Variants in KIF26A observed in about 807,000 individuals in gnomAD.
The protein encoded by KIF26A is kinesin family member 26A, also known as kinesin-like protein KIF26A.
Under a neutral mutation model 126.0 loss-of-function variants are expected in KIF26A, and 74 were observed. That is an observed-to-expected ratio of 0.59 (90% CI 0.49 to 0.71). The LOEUF (loss-of-function observed/expected upper bound fraction) is 0.71, where lower values mean the gene tolerates loss of function less well. Among genes scored for constraint, KIF26A ranks in the 30% least tolerant of loss-of-function variants. KIF26A has a pLI of 0.00. For missense variants in KIF26A, 2,984 were observed against 2,763.3 expected, an observed-to-expected ratio of 1.08 and a Z score of -1.79; for synonymous variants, 1,445 against 1,232.7, an observed-to-expected ratio of 1.17 and a Z score of -3.61.
intron 2 of KIF26A, among the ~76,000 whole-genome samples, chr14:104,140,189 TG>T (rs1163321745): frequency 6.6e-6 from 1 of 151,784 alleles, no homozygotes; most frequent in Non-Finnish European, 1.5e-5. Flanking sequence ...CAGGGCAGGG[TG>T]GGGCAGGGTA....
At chr14:104,171,054 C>T (rs1476097045) in intron 5 of KIF26A, among the ~76,000 whole-genome samples, 1 of 152,254 alleles carries the variant, frequency 6.6e-6, no homozygotes, top group Non-Finnish European at 1.5e-5. Flanking sequence ...TGCAGTGGGG[C>T]CGGTGAGGCC....
Position 104,174,240 on chromosome 14 carries a change from A to G in KIF26A, c.2123A>G (p.Gln708Arg). Reference protein sequence around the residue: ...MIAHVSDAPAQHAETLSTVQL... With the variant: ...MIAHVSDAPARHAETLSTVQL... The stretch of plus-strand genomic sequence containing the variant: ...GCCCACGTGTCGGATGCGCCAGCCC[A>G]GCACGCAGAGACACTCAGCACCGTG... Residue 708 changes from glutamine (Q) to arginine (R), a missense_variant, in exon 11 of 15, where the codon CAG becomes CGG. By Grantham distance (43) the Gln-to-Arg change is conservative. Coordinates refer to ENST00000423312, the MANE Select transcript of KIF26A (RefSeq NM_015656.2). 1 of 1,578,462 alleles carries G rather than the reference A, an allele frequency of 6.3e-7. No homozygotes were observed. The highest frequency in any genetic ancestry group is 8.6e-7 in the Non-Finnish European group (1 of 1,163,876).
chr14:104,168,635 A>G (rs1596145269), intron 5 of KIF26A, among the ~76,000 whole-genome samples: 1 of 151,954 alleles, frequency 6.6e-6, no homozygotes, highest in African/African-American at 2.4e-5. Context: ...CTGGGTCTCC[A>G]CCCCGAGCAC....
intron 5 of KIF26A, among the ~76,000 whole-genome samples, chr14:104,170,828 C>T (rs1041625996): frequency 6.6e-6 from 1 of 152,260 alleles, no homozygotes; most frequent in African/African-American, 2.4e-5. Context: ...TGCCCCTCCC[C>T]GGCGTCTGCC....
chr14:104,141,336 C>T (rs190227490), intron 2 of KIF26A, among the ~76,000 whole-genome samples: 228 of 152,294 alleles, frequency 1.5e-3, no homozygotes, highest in African/African-American at 5.1e-3. Context: ...GGGCCCGTTT[C>T]GTATTTTTTA....
chr14:104,180,067 T>C lies in KIF26A; in HGVS notation c.*277T>C. 2.6e-6 allele frequency: 1 copy of C among 377,940 alleles called. No individual in the cohort carries two copies. 23.4% of individuals were successfully genotyped at this position (377,940 alleles called of 1,614,324 possible). ...CTTTTCTCCCTTTTGCATTTGGTGC[T>C]ACAGACTTGAGACACCAGCAGAAGT... On this transcript the variant is annotated 3_prime_UTR_variant, in exon 15 of 15. Transcript: ENST00000423312.
intron 4 of KIF26A, 46 bp downstream of exon 4, chr14:104,157,988 G>A (rs372333700): frequency 4.1e-6 from 6 of 1,454,810 alleles, no homozygotes; most frequent in Non-Finnish European, 5.4e-6. Context: ...AGGGCCCCAT[G>A]GCCCCGGCTG....
chr14:104,174,974 TC>T lies in KIF26A; in HGVS notation c.2194-3del. On this transcript the variant is annotated splice_polypyrimidine_tract_variant and splice_region_variant and intron_variant, in intron 11 of 14. Transcript: ENST00000423312. ...CTGGGCTCGGCAGCTCCACTTTTCT[TC>T]CCCCAGTACGCCTCCAGCTCCTCTG... 2 of 1,517,996 alleles carry T rather than the reference TC, an allele frequency of 1.3e-6. No homozygotes were observed. The highest frequency in any genetic ancestry group is 1.8e-6 in the Non-Finnish European group (2 of 1,134,528). The allele number at this position is 1,517,996 out of a possible 1,614,324, so 94.0% of individuals were successfully genotyped here.
In KIF26A at chr14:104,173,162, G is replaced by A. The variant is rs200636236; in HGVS notation, c.1606G>A (p.Glu536Lys). The change falls in exon 8 of 15, where the codon GAG (glutamate) becomes AAG (lysine). Residue 536 changes from glutamate to lysine, a missense_variant. Physicochemically the swap from Glu to Lys is moderately conservative, Grantham distance 56. Transcript: ENST00000423312. Reference protein sequence around the residue: ...RDQSLRDLLAEVAPGSLQDTQ... With the variant: ...RDQSLRDLLAKVAPGSLQDTQ... Reference sequence around the variant, plus strand: ...CCAGAGCCTGCGGGACCTGCTGGCCGAGGTGGCCCCTGGCAGCCTCCAGGA... The same window carrying A: ...CCAGAGCCTGCGGGACCTGCTGGCCAAGGTGGCCCCTGGCAGCCTCCAGGA... 291 of 1,611,288 alleles carry A rather than the reference G, an allele frequency of 1.8e-4. No homozygotes were observed. Among genetic ancestry groups the A allele is most frequent in the Non-Finnish European group, 2.3e-4 (266 of 1,179,382 alleles).
At position 104,177,884 on chromosome 14, in the gene KIF26A, A is replaced by C. The variant is rs745487556; in HGVS notation, c.5096A>C (p.Lys1699Thr). 6.5e-7 allele frequency: 1 copy of C among 1,540,536 alleles called. No homozygotes were observed. Among genetic ancestry groups the C allele is most frequent in the East Asian group, 2.3e-5 (1 of 43,944 alleles). The change falls in exon 12 of 15, where the codon AAG becomes ACG. Residue 1699 changes from lysine to threonine, a missense_variant. Coordinates refer to ENST00000423312, the MANE Select transcript of KIF26A (RefSeq NM_015656.2). Reference protein sequence around the residue: ...GARTRSLKSPKKRATGLQRRR... With the variant: ...GARTRSLKSPTKRATGLQRRR... The stretch of plus-strand genomic sequence containing the variant: ...CGCACCCGCAGCCTCAAGTCCCCCA[A>C]GAAGAGGGCCACAGGTGGGTGCAGA...
At chr14:104,145,871 C>A (rs963308890) in intron 2 of KIF26A, among the ~76,000 whole-genome samples, 1 of 152,228 alleles carries the variant, frequency 6.6e-6, no homozygotes, top group African/African-American at 2.4e-5. Context: ...CCCCTCTCCC[C>A]GACCCCCGCA....
chr14:104,147,826 G>A (rs61997636), intron 2 of KIF26A, among the ~76,000 whole-genome samples: 27,828 of 152,162 alleles, frequency 0.18, 2,808 homozygotes, highest in African/African-American at 0.25. Flanking sequence ...AGGGCTGCCC[G>A]CACACGCATG....
In KIF26A at chr14:104,179,765, C is replaced by T. The variant is rs200461988; in HGVS notation, c.5624C>T (p.Pro1875Leu). 221 of 1,547,006 alleles carry T rather than the reference C, an allele frequency of 1.4e-4. 1 individual carries two copies. The Admixed American group carries it at 1.8e-3, about 13-fold the overall frequency. Reference protein sequence around the residue: ...DISVAASAAIPGPQEVDV With the variant: ...DISVAASAAILGPQEVDV ...AGCGTTGCAGCCAGTGCTGCCATCC[C>T]GGGGCCGCAGGAGGTGGACGTCTGA... is the stretch of plus-strand genomic sequence containing the variant. Residue 1875 changes from proline (P) to leucine (L), a missense_variant, in exon 15 of 15, where the codon CCG becomes CTG. Pro to Leu is a moderately conservative substitution (Grantham distance 98). Transcript: ENST00000423312.
At chr14:104,146,067 C>T (rs1486818461) in intron 2 of KIF26A, among the ~76,000 whole-genome samples, 1 of 152,218 alleles carries the variant, frequency 6.6e-6, no homozygotes, top group African/African-American at 2.4e-5. Flanking sequence ...TCACCCAGGT[C>T]TGAGTTGGAA....
At chr14:104,165,135 CTGTG>C (rs139656357) in intron 4 of KIF26A, among the ~76,000 whole-genome samples, 10,528 of 150,298 alleles carry the variant, frequency 0.07, 401 homozygotes, top group African/African-American at 0.11. Flanking sequence ...GTATATGTCT[CTGTG>C]TGTTTCTGTA....
In KIF26A at chr14:104,152,434, C is replaced by T. The variant is rs1216692594; in HGVS notation, c.708C>T (p.Val236=). 1.9e-6 allele frequency: 3 copies of T among 1,589,784 alleles called. No homozygotes were observed. Among genetic ancestry groups the T allele is most frequent in the Non-Finnish European group, 2.6e-6 (3 of 1,169,648 alleles). Residue 236 remains valine, a synonymous_variant, in exon 3 of 15, where the codon GTC becomes GTT. Coordinates refer to ENST00000423312, the MANE Select transcript of KIF26A (RefSeq NM_015656.2). The surrounding 1 kb of genome is among the most constrained non-coding windows in gnomAD (Gnocchi z 5.9). ...CLEGMWSVSR[V]NSFLPPACLA... is the part of the protein sequence containing the mutation. ...AGGGCATGTGGAGTGTCTCGCGGGT[C>T]AACAGCTTCCTCCCGCCGGCGTGCC...
chr14:104,175,918 G>T lies in KIF26A; in HGVS notation c.3130G>T (p.Ala1044Ser). 6.5e-7 allele frequency: 1 copy of T among 1,548,398 alleles called. No homozygotes were observed. The highest frequency in any genetic ancestry group is 8.7e-7 in the Non-Finnish European group (1 of 1,152,290). ...FTVVEELSLG[A>S]LAGAGRPTSL... is the part of the protein sequence containing the mutation. ...GGTGGTGGAGGAGCTGTCCCTGGGGGCGCTTGCCGGAGCTGGGCGGCCCAC... is the reference window on the plus strand; with the variant it reads ...GGTGGTGGAGGAGCTGTCCCTGGGGTCGCTTGCCGGAGCTGGGCGGCCCAC... Residue 1044 changes from alanine to serine, a missense_variant, in exon 12 of 15, where the codon GCG (alanine) becomes TCG (serine). Ala to Ser is a moderately conservative substitution (Grantham distance 99, BLOSUM62 1). Coordinates refer to ENST00000423312, the MANE Select transcript of KIF26A (RefSeq NM_015656.2).
At chr14:104,153,334 T>C (rs1257415706) in intron 3 of KIF26A, among the ~76,000 whole-genome samples, 1 of 152,090 alleles carries the variant, frequency 6.6e-6, no homozygotes, top group African/African-American at 2.4e-5. Flanking sequence ...GAGGAACTTC[T>C]GGACACCCCC....
chr14:104,152,258 G>T lies in KIF26A; in HGVS notation c.532G>T (p.Gly178Cys). Reference protein sequence around the residue: ...TSSRDTPGPAGPAGRQPGRAG... With the variant: ...TSSRDTPGPACPAGRQPGRAG... ...CTCGAGGGACACGCCAGGACCAGCG[G>T]GTCCTGCAGGGAGGCAGCCAGGACG... The change falls in exon 3 of 15, where the codon GGT becomes TGT. Residue 178 changes from glycine (G) to cysteine (C), a missense_variant. Transcript: ENST00000423312. The surrounding 1 kb of genome is among the most constrained non-coding windows in gnomAD (Gnocchi z 5.9). 6.3e-7 allele frequency: 1 copy of T among 1,594,482 alleles called. No homozygotes were observed. Among genetic ancestry groups the T allele is most frequent in the East Asian group, 2.3e-5 (1 of 43,762 alleles).
Sources: gnomAD v4.1 joint callset for allele counts (sites outside exome capture counted in the v4.1 genomes callset) on GRCh38, gnomAD v4.1.1 for gene constraint, Gnocchi (gnomAD v3.1) non-coding constraint, MANE v1.5 for transcripts, NCBI Gene and HGNC (gene_info 2026-07-23, HGNC 2026-07-21) for gene names.